The following COL5A1 variants were observed in gnomAD, a reference collection of about 807,000 sequenced individuals.
COL5A1 encodes the protein collagen alpha-1(V) chain.
In COL5A1, 16 loss-of-function variants were observed where a neutral mutation model predicts 263.7. The observed-to-expected ratio is 0.06, with a 90% CI of 0.04 to 0.09. The LOEUF (loss-of-function observed/expected upper bound fraction) is 0.09, where lower values mean the gene tolerates loss of function less well. COL5A1 is among the 10% of genes least tolerant of loss of function. COL5A1 has a pLI of 1.00. For synonymous variants in COL5A1, 1,012 were observed against 1,004.5 expected (o/e 1.01, Z -0.14); for missense variants, 2,036 against 2,540.5 (o/e 0.80, Z 4.27).
At chr9:134,701,364 C>T (rs779658257) in intron 4 of COL5A1, 31 bp downstream of exon 4, 9 of 1,607,128 alleles carry the variant, frequency 5.6e-6, no homozygotes, top group Admixed American at 3.4e-5. Flanking sequence ...ACCCCTGTGC[C>T]CACCAGGGCA....
At chr9:134,728,030 A>G (rs1214948770) in intron 5 of COL5A1, among the ~76,000 whole-genome samples, 3 of 152,216 alleles carry the variant, frequency 2.0e-5, no homozygotes, top group Non-Finnish European at 4.4e-5. Context: ...CTCATCCGTA[A>G]TATTAAATCC....
At position 134,823,449 on chromosome 9, in the gene COL5A1, C is replaced by G. The variant is rs371301871; in HGVS notation, c.4678C>G (p.Pro1560Ala). 9 of 1,614,034 alleles carry G rather than the reference C, an allele frequency of 5.6e-6. No homozygotes were observed. Among genetic ancestry groups the G allele is most frequent in the Non-Finnish European group, 7.6e-6 (9 of 1,180,004 alleles). ...PTGPKGEAGH[P>A]GPPGPPGPPG... ...TGGCCCGAAGGGTGAGGCAGGCCAC[C>G]CAGGACCCCCAGGCCCCCCGGTAAG... Residue 1560 changes from proline to alanine, a missense_variant, in exon 61 of 66, where the codon CCA becomes GCA. Physicochemically the swap from Pro to Ala is conservative, Grantham distance 27 (BLOSUM62 -1). Around this residue, in one of 3 missense-constraint regions of COL5A1, gnomAD observed 358 missense variants for 384.6 expected, o/e 0.93. Coordinates refer to ENST00000371817, the MANE Select transcript of COL5A1 (RefSeq NM_000093.5).
At chr9:134,775,943 ACT>A (rs1837037828) in intron 27 of COL5A1, among the ~76,000 whole-genome samples, 1 of 151,974 alleles carries the variant, frequency 6.6e-6, no homozygotes, top group East Asian at 1.9e-4. Context: ...AACCCTCCTG[ACT>A]CTGGCTGGTC....
chr9:134,806,999 C>T (rs1017191273), intron 42 of COL5A1, among the ~76,000 whole-genome samples: 15 of 152,166 alleles, frequency 9.9e-5, no homozygotes, highest in Admixed American at 7.2e-4. Flanking sequence ...AGGAGATGAG[C>T]GAGCGCCCTT....
intron 4 of COL5A1, among the ~76,000 whole-genome samples, chr9:134,704,542 A>G (rs989622438): frequency 6.6e-6 from 1 of 152,188 alleles, no homozygotes; most frequent in African/African-American, 2.4e-5. Context: ...ACGGTAAGTC[A>G]CAGATAGGTT....
chr9:134,827,898 C>T (rs753605389), intron 63 of COL5A1, among the ~76,000 whole-genome samples: 12 of 152,238 alleles, frequency 7.9e-5, no homozygotes, highest in Non-Finnish European at 1.6e-4. Flanking sequence ...GATTTGGAAA[C>T]GAGAGAGGGT....
chr9:134,704,804 TTC>T (rs149562671), intron 4 of COL5A1, among the ~76,000 whole-genome samples: 65,616 of 150,956 alleles, frequency 0.43, 15,223 homozygotes, highest in Admixed American at 0.61. Flanking sequence ...TTTTTTTTTT[TTC>T]CCTTAACAGT....
chr9:134,835,319 C>T lies in COL5A1; in HGVS notation c.5370+115C>T, dbSNP rs529577039. 7.5e-5 allele frequency: 68 copies of T among 906,342 alleles called. No individual in the cohort carries two copies. The African/African-American group carries it at 9.2e-4, about 12-fold the overall frequency. 56.1% of individuals were successfully genotyped at this position (906,342 alleles called of 1,614,324 possible). A position where few individuals can be genotyped will look rare whatever the true frequency, so the allele number is the denominator to read the frequency against. On this transcript the variant is annotated intron_variant, in intron 65 of 65. Transcript: ENST00000371817. ...GCCTGCCAGAGGGCAGTGAGGGCCCCGGACCAGACTCTCGCCCCAGGCAGC... is the reference window on the plus strand; with the variant it reads ...GCCTGCCAGAGGGCAGTGAGGGCCCTGGACCAGACTCTCGCCCCAGGCAGC...
intron 32 of COL5A1, among the ~76,000 whole-genome samples, chr9:134,792,842 TGTGTGTGCGCACAC>T (rs1837754508): frequency 6.7e-6 from 1 of 150,204 alleles, no homozygotes; most frequent in African/African-American, 2.5e-5. Context: ...CATGTGTATG[TGTGTGTGCGCACAC>T]GTGTGTGTGC....
intron 23 of COL5A1, 75 bp from the exon 24 acceptor site, chr9:134,767,235 T>C (rs1836707506): frequency 2.6e-6 from 4 of 1,522,376 alleles, no homozygotes; most frequent in East Asian, 2.3e-5. Flanking sequence ...AATGAGAAGA[T>C]GGACAGATGG....
At position 134,767,332 on chromosome 9, in the gene COL5A1, C is replaced by T. The variant is rs1422309025; in HGVS notation, c.2210C>T (p.Ala737Val). ...TAGGGTCTTCCAGGCCCCCAGGGTG[C>T]AATTGGTCCTCCAGGAGAAAAGGTA... The part of the protein sequence containing the change: ...GAQGLPGPQG[A>V]IGPPGEKGPL... The change falls in exon 24 of 66, where the codon GCA becomes GTA. Residue 737 changes from alanine (A) to valine (V), a missense_variant. By Grantham distance (64) the Ala-to-Val change is moderately conservative. Coordinates refer to ENST00000371817, the MANE Select transcript of COL5A1 (RefSeq NM_000093.5). 6.2e-7 allele frequency: 1 copy of T among 1,614,084 alleles called. No homozygotes were observed. The highest frequency in any genetic ancestry group is 1.1e-5 in the South Asian group (1 of 91,074).
At chr9:134,738,408 C>T in intron 9 of COL5A1, 66 bp from the exon 10 acceptor site, 2 of 1,592,334 alleles carry the variant, frequency 1.3e-6, no homozygotes, top group South Asian at 2.2e-5. Context: ...CCGTCCACAC[C>T]ACTGGGGTCT....
intron 4 of COL5A1, among the ~76,000 whole-genome samples, chr9:134,717,768 A>G (rs1834321604): frequency 6.6e-6 from 1 of 152,232 alleles, no homozygotes; most frequent in Non-Finnish European, 1.5e-5. Context: ...ACCAGCACGA[A>G]GTGCTCTGGC....
At chr9:134,748,085 A>G (rs572071718) in intron 11 of COL5A1, among the ~76,000 whole-genome samples, 1 of 151,202 alleles carries the variant, frequency 6.6e-6, no homozygotes, top group Non-Finnish European at 1.5e-5. Flanking sequence ...ACAAACATGC[A>G]TGCACAGACA....
In COL5A1 at chr9:134,821,588, G is replaced by A. The variant is rs749360073; in HGVS notation, c.4555-509G>A. On this transcript the variant is annotated intron_variant, in intron 58 of 65. Transcript: ENST00000371817. The surrounding 1 kb of genome is among the most constrained non-coding windows in gnomAD (Gnocchi z 4.2). The stretch of plus-strand genomic sequence containing the variant: ...CTGGGAGGGAGTCAGTGGGGAGAAG[G>A]GGTCTGAGCGGAGGTTCCACGCTCC... 1.3e-5 allele frequency among the ~76,000 whole-genome samples: 2 copies of A among 152,164 alleles called. No homozygotes were observed. Among genetic ancestry groups the A allele is most frequent in the Non-Finnish European group, 2.9e-5 (2 of 68,030 alleles).
chr9:134,654,568 T>C lies in COL5A1; in HGVS notation c.109+12272T>C, dbSNP rs1321422738. On this transcript the variant is annotated intron_variant, in intron 1 of 65. Coordinates refer to ENST00000371817, the MANE Select transcript of COL5A1 (RefSeq NM_000093.5). ...CTGGGTGTGTGTAGGGCTGGGTGTG[T>C]GTAGGGCTGGGGGTGTGTAGGGCTG... Among the ~76,000 whole-genome samples the C allele has an allele frequency of 9.8e-5, 11 of 112,000 alleles. No individual in the cohort carries two copies. In the East Asian group the frequency reaches 3.1e-3, roughly 32 times the overall value. The allele number at this position is 112,000 out of a possible 152,430, so 73.5% of individuals were successfully genotyped here.
chr9:134,691,516 G>GT (rs1833279273), intron 2 of COL5A1: 1 of 202,744 alleles, frequency 4.9e-6, no homozygotes, highest in Admixed American at 5.3e-5. Context: ...ATCAAACGTC[G>GT]TGACTCCTAG....
At chr9:134,706,631 T>C (rs1833846113) in intron 4 of COL5A1, among the ~76,000 whole-genome samples, 1 of 152,174 alleles carries the variant, frequency 6.6e-6, no homozygotes, top group African/African-American at 2.4e-5. Context: ...TGACAGCAGA[T>C]TGGGACCTCG....
chr9:134,785,163 G>C, intron 30 of COL5A1, 67 bp downstream of exon 30: 2 of 1,355,006 alleles, frequency 1.5e-6, no homozygotes, highest in Non-Finnish European at 2.1e-6. Flanking sequence ...CCATGGCCTC[G>C]GGCTCCCGTT....
Sources: gnomAD v4.1 joint callset for allele counts (sites outside exome capture counted in the v4.1 genomes callset) on GRCh38, gnomAD v4.1.1 for gene constraint, gnomAD v4.1.1 regional missense constraint, Gnocchi (gnomAD v3.1) non-coding constraint, MANE v1.5 for transcripts, NCBI Gene and HGNC (gene_info 2026-07-23, HGNC 2026-07-21) for gene names.